Variants in CSNK1G3 observed in about 807,000 individuals in gnomAD.
CSNK1G3 encodes casein kinase I isoform gamma-3.
A neutral mutation model predicts 64.3 loss-of-function variants in CSNK1G3; 23 were observed. That is an observed-to-expected ratio of 0.36 (90% CI 0.26 to 0.51). The LOEUF is 0.51. Ranked by LOEUF, CSNK1G3 falls within the 20% of genes least tolerant of loss-of-function variation. The pLI is 0.96. For missense variants in CSNK1G3, 357 were observed against 510.5 expected (o/e 0.70, Z 2.90); for synonymous variants, 158 against 162.2 (o/e 0.97, Z 0.20).
At chr5:123,611,979 TTAAAAA>T (rs1270608939) in intron 12 of CSNK1G3, among the ~76,000 whole-genome samples, 5 of 152,212 alleles carry the variant, frequency 3.3e-5, no homozygotes, top group Admixed American at 6.5e-5. Flanking sequence ...TAGCTGACAG[TTAAAAA>T]TAAATTTGAC....
chr5:123,582,670 C>G (rs984051125), intron 6 of CSNK1G3, among the ~76,000 whole-genome samples: 1 of 152,046 alleles, frequency 6.6e-6, no homozygotes, highest in Non-Finnish European at 1.5e-5. Flanking sequence ...GATTCTTGGC[C>G]TTGTGGAAAA....
intron 1 of CSNK1G3, among the ~76,000 whole-genome samples, chr5:123,520,657 A>G (rs1005341019): frequency 6.6e-6 from 1 of 152,152 alleles, no homozygotes; most frequent in Middle Eastern, 3.4e-3. Flanking sequence ...TACTTATCTT[A>G]AAATTTTAAA....
chr5:123,559,120 T>C (rs952245334), intron 4 of CSNK1G3, among the ~76,000 whole-genome samples: 1 of 152,210 alleles, frequency 6.6e-6, no homozygotes, highest in African/African-American at 2.4e-5. Context: ...TTATCCCTGA[T>C]TTAATTACTA....
chr5:123,592,878 T>C (rs1309217511), intron 10 of CSNK1G3, among the ~76,000 whole-genome samples: 1 of 151,900 alleles, frequency 6.6e-6, no homozygotes, highest in Non-Finnish European at 1.5e-5. Flanking sequence ...TGGAGTGCTG[T>C]GAAAAGATTC....
At chr5:123,588,631 T>A (rs1791764944) in intron 8 of CSNK1G3, 120 bp downstream of exon 8, 5 of 709,244 alleles carry the variant, frequency 7.0e-6, no homozygotes, top group Admixed American at 5.8e-5. Flanking sequence ...AAAATATGAT[T>A]TAAAGGTTGT....
rs556398138 is a variant in CSNK1G3 at position 123,532,332 on chromosome 5, T to A, written c.-247-13085T>A. 2.0e-5 allele frequency among the ~76,000 whole-genome samples: 3 copies of A among 152,022 alleles called. No individual in the cohort carries two copies. In the South Asian group the frequency reaches 6.2e-4, roughly 31 times the overall value. ...TTTTTTTATGTAAATCTTTTCTTCA[T>A]CCTTTTTGTAGTGCATGTATTACAA... On this transcript the variant is annotated intron_variant, in intron 1 of 12. Coordinates refer to ENST00000345990, the Ensembl canonical transcript of CSNK1G3.
At chr5:123,554,187 G>A (rs1784189767) in intron 3 of CSNK1G3, among the ~76,000 whole-genome samples, 1 of 152,224 alleles carries the variant, frequency 6.6e-6, no homozygotes, top group African/African-American at 2.4e-5. Flanking sequence ...AAGATGTGGA[G>A]TAGGGTTGCA....
chr5:123,589,013 A>G (rs1011218278), intron 8 of CSNK1G3, among the ~76,000 whole-genome samples: 1 of 152,144 alleles, frequency 6.6e-6, no homozygotes, highest in Non-Finnish European at 1.5e-5. Flanking sequence ...TTTCAAGTAG[A>G]TTTATGGCAA....
At chr5:123,581,490 C>A (rs982379546) in intron 6 of CSNK1G3, among the ~76,000 whole-genome samples, 44 of 150,722 alleles carry the variant, frequency 2.9e-4, no homozygotes, top group African/African-American at 1.0e-3. Context: ...ACCTTGTCAC[C>A]AAACTTACAA....
intron 4 of CSNK1G3, among the ~76,000 whole-genome samples, chr5:123,563,475 G>A (rs1051564095): frequency 1.3e-5 from 2 of 151,884 alleles, no homozygotes; most frequent in African/African-American, 4.8e-5. Flanking sequence ...GGATTTATGT[G>A]CTCCCTGCAG....
exon 9 of CSNK1G3, chr5:123,590,548 G>T: frequency 1.3e-6 from 2 of 1,505,844 alleles, no homozygotes; most frequent in South Asian, 2.7e-5. Context: ...GACTGGATTG[G>T]TAAACAGTTG....
At chr5:123,547,686 G>A (rs1270037827) in intron 2 of CSNK1G3, among the ~76,000 whole-genome samples, 1 of 152,018 alleles carries the variant, frequency 6.6e-6, no homozygotes, top group Non-Finnish European at 1.5e-5. Context: ...GGTCTTTGAT[G>A]TGTGTATATA....
intron 4 of CSNK1G3, among the ~76,000 whole-genome samples, chr5:123,568,176 C>T (rs1309747114): frequency 6.6e-6 from 1 of 152,140 alleles, no homozygotes; most frequent in African/African-American, 2.4e-5. Context: ...CAGCTGCAGG[C>T]ATTGCAGTTT....
chr5:123,534,526 C>T lies in CSNK1G3; in HGVS notation c.-247-10891C>T, dbSNP rs545964953. Among the ~76,000 whole-genome samples the T allele has an allele frequency of 9.9e-5, 15 of 152,148 alleles. No homozygotes were observed. In the South Asian group the frequency reaches 1.5e-3, roughly 15 times the overall value. On this transcript the variant is annotated intron_variant, in intron 1 of 12. Coordinates refer to ENST00000345990, the Ensembl canonical transcript of CSNK1G3. The stretch of plus-strand genomic sequence containing the variant: ...TTTCTTGAGGGCTTGAAGAAATAAG[C>T]GGCCATTTTGGAGAAGCCCACATGG...
intron 10 of CSNK1G3, among the ~76,000 whole-genome samples, chr5:123,598,728 T>G (rs1197301177): frequency 6.6e-6 from 1 of 152,086 alleles, no homozygotes; most frequent in African/African-American, 2.4e-5. Flanking sequence ...GTTACTAAAT[T>G]TGGCTTTATT....
exon 10 of CSNK1G3, chr5:123,591,394 A>G: frequency 6.2e-7 from 1 of 1,608,664 alleles, no homozygotes; most frequent in East Asian, 2.3e-5. Flanking sequence ...CAGAGATAAG[A>G]TGCAACAATC....
rs1291244906 is a variant in CSNK1G3, at chr5:123,599,190, C to T, written c.1087-5534C>T. ...CTGTAAGCAAAGGGAAAAAGACAAACATTAAGGACACTGCTGGAAAACTAT... is the reference window on the plus strand; with the variant it reads ...CTGTAAGCAAAGGGAAAAAGACAAATATTAAGGACACTGCTGGAAAACTAT... On this transcript the variant is annotated intron_variant, in intron 10 of 12. Coordinates refer to ENST00000345990, the Ensembl canonical transcript of CSNK1G3. Among the ~76,000 whole-genome samples the T allele has an allele frequency of 2.0e-5, 3 of 152,144 alleles. No individual in the cohort carries two copies. In the East Asian group the frequency reaches 5.8e-4, roughly 29 times the overall value.
At chr5:123,539,449 A>AT (rs199839544) in intron 1 of CSNK1G3, among the ~76,000 whole-genome samples, 13,808 of 151,280 alleles carry the variant, frequency 0.091, 683 homozygotes, top group South Asian at 0.12. Flanking sequence ...AAAAAAAAAA[A>AT]AAAAAAGATT....
chr5:123,606,326 T>G lies in CSNK1G3; in HGVS notation c.1217+964T>G, dbSNP rs1368119798. Among the ~76,000 whole-genome samples, 11 of 152,262 alleles carry G rather than the reference T, an allele frequency of 7.2e-5. No individual in the cohort carries two copies. The East Asian group carries it at 2.1e-3, about 29-fold the overall frequency. ...GAAAGTATAGTCTTACTTGTGTGTT[T>G]TTAAATCAAATATAAAAACAACAGC... On this transcript the variant is annotated intron_variant, in intron 12 of 12. Transcript: ENST00000345990.
Sources: gnomAD v4.1 joint callset for allele counts (sites outside exome capture counted in the v4.1 genomes callset) on GRCh38, gnomAD v4.1.1 for gene constraint, MANE v1.5 for transcripts, NCBI Gene and HGNC (gene_info 2026-07-23, HGNC 2026-07-21) for gene names.